DCLK1: variants seen among roughly 807,000 people sequenced by gnomAD.
The protein encoded by DCLK1 is serine/threonine-protein kinase DCLK1.
DCLK1 carries 16 observed loss-of-function variants against 86.2 expected under a neutral mutation model. That is an observed-to-expected ratio of 0.19 (90% CI 0.13 to 0.28). The LOEUF is 0.28. Ranked by LOEUF, DCLK1 falls within the 10% of genes least tolerant of loss-of-function variation. The pLI is 1.00. For synonymous variants in DCLK1, 369 were observed against 370.5 expected (o/e 1.00, Z 0.05); for missense variants, 590 against 940.2 (o/e 0.63, Z 4.87).
In DCLK1 at chr13:35,842,123, G is replaced by A. The variant is rs1239549344; in HGVS notation, c.1036-2947C>T. 3.3e-5 allele frequency among the ~76,000 whole-genome samples: 5 copies of A among 151,324 alleles called. No individual in the cohort carries two copies. The East Asian group carries it at 9.7e-4, about 29-fold the overall frequency. ...GGGTGTCTGTAGTCCCAGCTAATCG[G>A]GAGGCTGAGGCAGGAGAATGGCGTG... On this transcript the variant is annotated intron_variant, in intron 6 of 16. Coordinates refer to ENST00000360631, the MANE Select transcript of DCLK1 (RefSeq NM_001330071.2).
At chr13:36,110,774 G>C (rs1885584711) in intron 3 of DCLK1, among the ~76,000 whole-genome samples, 1 of 150,752 alleles carries the variant, frequency 6.6e-6, no homozygotes, top group African/African-American at 2.4e-5. Flanking sequence ...GTGCTCAAAA[G>C]TATAATCTGG....
chr13:36,105,925 C>T (rs1423685874), intron 3 of DCLK1, among the ~76,000 whole-genome samples: 1 of 152,124 alleles, frequency 6.6e-6, no homozygotes, highest in African/African-American at 2.4e-5. Flanking sequence ...GGTCAGGGCT[C>T]CAGCTGTCAT....
chr13:36,113,628 G>A (rs1341131320), intron 2 of DCLK1, among the ~76,000 whole-genome samples: 8 of 152,174 alleles, frequency 5.3e-5, no homozygotes, highest in Admixed American at 2.6e-4. Flanking sequence ...CTGGAAATTC[G>A]GGCTCAAGAC....
intron 6 of DCLK1, among the ~76,000 whole-genome samples, chr13:35,843,443 T>G: frequency 6.6e-6 from 1 of 152,134 alleles, no homozygotes; most frequent in Non-Finnish European, 1.5e-5. Context: ...ATATAACAGA[T>G]GGAGAACATA....
chr13:35,955,553 T>C (rs1005439591), intron 3 of DCLK1, among the ~76,000 whole-genome samples: 5 of 152,090 alleles, frequency 3.3e-5, no homozygotes, highest in Admixed American at 3.3e-4. Flanking sequence ...GATGTCAACA[T>C]AGGAATTTGG....
At chr13:35,784,167 G>T (rs891020179) in intron 16 of DCLK1, among the ~76,000 whole-genome samples, 26 of 152,048 alleles carry the variant, frequency 1.7e-4, no homozygotes, top group Admixed American at 6.6e-5. Context: ...AGATTCTGAG[G>T]CAAGGGCAGA....
intron 4 of DCLK1, among the ~76,000 whole-genome samples, chr13:35,910,621 G>T (rs1211551340): frequency 6.6e-6 from 1 of 152,124 alleles, no homozygotes; most frequent in Non-Finnish European, 1.5e-5. Context: ...AATCCCACAG[G>T]TTTCTCTTTG....
At chr13:35,930,500 C>T (rs1876369850) in intron 4 of DCLK1, among the ~76,000 whole-genome samples, 1 of 152,160 alleles carries the variant, frequency 6.6e-6, no homozygotes, top group South Asian at 2.1e-4. Context: ...ACTCAAGAGA[C>T]TGAGGCAGAA....
rs1185208328 is a variant in DCLK1, at chr13:36,111,928, C to G, written c.664G>C (p.Asp222His). 1 of 1,614,098 alleles carries G rather than the reference C, an allele frequency of 6.2e-7. No homozygotes were observed. The highest frequency in any genetic ancestry group is 8.5e-7 in the Non-Finnish European group (1 of 1,180,062). The change falls in exon 3 of 17, where the codon GAT becomes CAT. Residue 222 changes from aspartate to histidine, a missense_variant. By Grantham distance (81) the Asp-to-His change is moderately conservative. Transcript: ENST00000360631. ...ACTCCCGAGTCCAGCTTGATGGCATCGGTGATATCGGTGAGGACCTGCTCA... is the reference window on the plus strand; with the variant it reads ...ACTCCCGAGTCCAGCTTGATGGCATGGGTGATATCGGTGAGGACCTGCTCA... ...SFEQVLTDITDAIKLDSGVVK... is the reference protein window; with the variant it reads ...SFEQVLTDITHAIKLDSGVVK...
intron 3 of DCLK1, among the ~76,000 whole-genome samples, chr13:36,030,091 G>C (rs9546200): frequency 6.6e-6 from 1 of 152,046 alleles, no homozygotes; most frequent in Admixed American, 6.5e-5. Flanking sequence ...AATAGAGCAC[G>C]TCCAAGGGAG....
At chr13:35,835,184 G>A (rs2153107310) in intron 8 of DCLK1, among the ~76,000 whole-genome samples, 1 of 152,282 alleles carries the variant, frequency 6.6e-6, no homozygotes, top group South Asian at 2.1e-4. Flanking sequence ...GATTAAGAAT[G>A]GGCAGGGTGT....
At chr13:35,855,743 T>C (rs747240504) in intron 5 of DCLK1, 19 of 1,331,962 alleles carry the variant, frequency 1.4e-5, no homozygotes, top group Non-Finnish European at 1.8e-5. Context: ...GCAGGTTCTG[T>C]CTTAGGCTAC....
chr13:35,920,871 C>G (rs1449492013), intron 4 of DCLK1, among the ~76,000 whole-genome samples: 1 of 152,050 alleles, frequency 6.6e-6, no homozygotes, highest in Non-Finnish European at 1.5e-5. Context: ...GGAAATTGCC[C>G]GTGGTCCCTC....
chr13:36,079,024 T>C (rs1233299624), intron 3 of DCLK1, among the ~76,000 whole-genome samples: 2 of 152,120 alleles, frequency 1.3e-5, no homozygotes, highest in Non-Finnish European at 1.5e-5. Flanking sequence ...GAGCAGGACA[T>C]GGCATCAAAA....
chr13:35,986,526 C>T (rs183300085), intron 3 of DCLK1, among the ~76,000 whole-genome samples: 45 of 152,042 alleles, frequency 3.0e-4, no homozygotes, highest in Admixed American at 1.2e-3. Context: ...ATCTGAGTAG[C>T]CAGCTAAATA....
chr13:36,131,050 C>T (rs2138233229), intron 1 of DCLK1, 64 bp downstream of exon 1: 1 of 150,266 alleles, frequency 6.7e-6, no homozygotes, highest in South Asian at 2.1e-4. Flanking sequence ...GCGGAGCGGG[C>T]TCTGCGGAGT....
chr13:35,954,908 G>C (rs1276990150), intron 3 of DCLK1, among the ~76,000 whole-genome samples: 1 of 152,088 alleles, frequency 6.6e-6, no homozygotes, highest in Admixed American at 6.6e-5. Context: ...CTAACAGGCT[G>C]ATGCTTAAAG....
At chr13:35,829,184 T>C (rs1868748810) in intron 8 of DCLK1, among the ~76,000 whole-genome samples, 1 of 152,154 alleles carries the variant, frequency 6.6e-6, no homozygotes, top group Non-Finnish European at 1.5e-5. Context: ...CCCTCCTCTG[T>C]GATAGGTGTA....
chr13:36,101,004 C>T lies in DCLK1; in HGVS notation c.723+10865G>A, dbSNP rs183905129. Among the ~76,000 whole-genome samples, 24 of 152,302 alleles carry T rather than the reference C, an allele frequency of 1.6e-4. No homozygotes were observed. The East Asian group carries it at 2.9e-3, about 18-fold the overall frequency. ...AAACAGCCCACATCTTTCCGGGCATCGTCCATGTTGGGAATTGTCTCATGC... is the reference window on the plus strand; with the variant it reads ...AAACAGCCCACATCTTTCCGGGCATTGTCCATGTTGGGAATTGTCTCATGC... On this transcript the variant is annotated intron_variant, in intron 3 of 16. Transcript: ENST00000360631.
Sources: allele counts gnomAD v4.1 joint callset (sites outside exome capture counted in the v4.1 genomes callset), GRCh38; gene constraint gnomAD v4.1.1; transcripts MANE v1.5; gene names NCBI Gene and HGNC (gene_info 2026-07-23, HGNC 2026-07-21).